ARHGAP30: variants seen among roughly 807,000 people sequenced by gnomAD.
ARHGAP30 encodes the protein Rho GTPase activating protein 30.
Under a neutral mutation model 72.0 loss-of-function variants are expected in ARHGAP30, and 23 were observed. The observed-to-expected ratio is 0.32, with a 90% CI of 0.23 to 0.45. The LOEUF is 0.45. Among genes scored for constraint, ARHGAP30 ranks in the 20% least tolerant of loss-of-function variants. The pLI is 1.00. For missense variants in ARHGAP30, 1,319 were observed against 1,383.4 expected (o/e 0.95, Z 0.74); for synonymous variants, 576 against 528.2 (o/e 1.09, Z -1.24).
At chr1:161,061,012 A>C (rs1652275208) in intron 1 of ARHGAP30, among the ~76,000 whole-genome samples, 1 of 151,690 alleles carries the variant, frequency 6.6e-6, no homozygotes, top group East Asian at 2.0e-4. Flanking sequence ...CCAAGGACTT[A>C]TCTTAAAAGT....
chr1:161,052,218 G>A (rs1651455149), intron 9 of ARHGAP30, 68 bp downstream of exon 9: 5 of 1,554,494 alleles, frequency 3.2e-6, no homozygotes, highest in Non-Finnish European at 4.4e-6. Flanking sequence ...TTGGCTGCAT[G>A]TACACACAAG....
At position 161,064,846 on chromosome 1, in the gene ARHGAP30, A is replaced by AG. The variant is rs1491271137; in HGVS notation, c.97+4681_97+4682insC. 7.9e-3 allele frequency among the ~76,000 whole-genome samples: 632 copies of AG among 79,814 alleles called. 4 individuals are homozygous for AG. Among genetic ancestry groups the AG allele is most frequent in the Middle Eastern group, 0.013 (2 of 160 alleles). 52.4% of individuals were successfully genotyped at this position (79,814 alleles called of 152,430 possible). ...AAGAAAGAAAGAGAAAGAAAGAAAG[A>AG]AAGGAAAGGAAGGAGAGGAAGGAGA... On this transcript the variant is annotated intron_variant, in intron 1 of 11. Transcript: ENST00000368013.
At position 161,052,731 on chromosome 1, in the gene ARHGAP30, A is replaced by C; in HGVS notation, c.731T>G (p.Leu244Arg). The C allele has an allele frequency of 6.2e-7, 1 of 1,612,414 alleles. No homozygotes were observed. The change falls in exon 7 of 12, where the codon CTT becomes CGT. Residue 244 changes from leucine (L) to arginine (R), a missense_variant. Leu to Arg is a moderately radical substitution (Grantham distance 102). This residue lies in a region of ARHGAP30 where 222 missense variants were observed against 338.2 expected (regional missense o/e 0.66). Coordinates refer to ENST00000368013, the MANE Select transcript of ARHGAP30 (RefSeq NM_001025598.2). ...GTGATAAGGCAGTGGCCTGGGCATA[A>C]GGTCCTCGGGGCTGCCTGATGCCCG... ...GTRASGSPED[L>R]MPRPLPYHLP... is the part of the protein sequence containing the mutation.
chr1:161,054,753 C>G (rs759551970), intron 3 of ARHGAP30, 48 bp from the exon 4 acceptor site: 2 of 1,530,292 alleles, frequency 1.3e-6, no homozygotes, highest in African/African-American at 1.4e-5. Flanking sequence ...CCAGCAATGC[C>G]CCTGCTTACT....
intron 1 of ARHGAP30, among the ~76,000 whole-genome samples, chr1:161,060,700 T>TC (rs1251677459): frequency 7.1e-6 from 1 of 141,020 alleles, no homozygotes; most frequent in Admixed American, 6.9e-5. Flanking sequence ...TCAAGGACTT[T>TC]TTTTTTTTTT....
chr1:161,066,766 A>G (rs935996631), intron 1 of ARHGAP30, among the ~76,000 whole-genome samples: 3 of 151,146 alleles, frequency 2.0e-5, no homozygotes, highest in East Asian at 1.9e-4. Context: ...TCTCAGTCCT[A>G]CAGTTCACCA....
chr1:161,056,639 G>A, intron 2 of ARHGAP30, 107 bp from the exon 3 acceptor site: 1 of 1,235,390 alleles, frequency 8.1e-7, no homozygotes, highest in South Asian at 1.5e-5. Flanking sequence ...AACATGTGTT[G>A]GACTTGGAAG....
chr1:161,052,643 G>C lies in ARHGAP30; in HGVS notation c.819C>G (p.Ile273Met). The C allele has an allele frequency of 6.2e-7, 1 of 1,613,920 alleles. No homozygotes were observed. The highest frequency in any genetic ancestry group is 1.1e-5 in the South Asian group (1 of 91,078). The change falls in exon 7 of 12, where the codon ATC (isoleucine) becomes ATG (methionine). Residue 273 changes from isoleucine to methionine, a missense_variant. Coordinates refer to ENST00000368013, the MANE Select transcript of ARHGAP30 (RefSeq NM_001025598.2). ...GGCCTTACTTGTGCTCTGCAATCTC[G>C]ATGATAGTATGGTAGGGCCGCATCT... ...PPQMRPYHTIIEIAEHKRKGS... is the reference protein window; with the variant it reads ...PPQMRPYHTIMEIAEHKRKGS...
At chr1:161,055,929 ATAAAATAAAT>A in intron 3 of ARHGAP30, among the ~76,000 whole-genome samples, 1 of 24,036 alleles carries the variant, frequency 4.2e-5, no homozygotes, top group East Asian at 7.0e-4. Context: ...ATAAAATAAA[ATAAAATAAAT>A]ATAAAATAAA....
At chr1:161,054,562 C>T in intron 4 of ARHGAP30, 61 bp downstream of exon 4, 1 of 1,602,658 alleles carries the variant, frequency 6.2e-7, no homozygotes, top group Non-Finnish European at 8.5e-7. Context: ...CCAGTTAAGG[C>T]TCCAGGCAGC....
At chr1:161,061,102 T>C (rs1042661047) in intron 1 of ARHGAP30, among the ~76,000 whole-genome samples, 2 of 152,172 alleles carry the variant, frequency 1.3e-5, no homozygotes, top group Non-Finnish European at 2.9e-5. Flanking sequence ...TGGGGATTAT[T>C]TGAAGCACAC....
chr1:161,053,468 C>CTCTCTCTCTA, intron 5 of ARHGAP30, 83 bp from the exon 6 acceptor site: 1 of 590,552 alleles, frequency 1.7e-6, no homozygotes, highest in Non-Finnish European at 2.2e-6. Flanking sequence ...CTTATTCTCT[C>CTCTCTCTCTA]TCTCTCTCTC....
rs180744126 is a variant in ARHGAP30, at chr1:161,064,323, G to C, written c.98-4607C>G. Among the ~76,000 whole-genome samples the C allele has an allele frequency of 3.0e-3, 459 of 152,288 alleles. 1 individual carries two copies. The highest frequency in any genetic ancestry group is 6.8e-3 in the Middle Eastern group (2 of 294). On this transcript the variant is annotated intron_variant, in intron 1 of 11. Transcript: ENST00000368013. ...ACATGATTATCGGGGCAGTTCCCCC[G>C]GTATGAAATGACTCAGTGAATTAAT...
At chr1:161,056,595 C>T in intron 2 of ARHGAP30, 63 bp from the exon 3 acceptor site, 2 of 1,556,416 alleles carry the variant, frequency 1.3e-6, no homozygotes, top group Non-Finnish European at 1.7e-6. Flanking sequence ...GAGGTGGGTC[C>T]CTATAGAGAT....
At chr1:161,061,313 G>C (rs530146911) in intron 1 of ARHGAP30, among the ~76,000 whole-genome samples, 1 of 151,716 alleles carries the variant, frequency 6.6e-6, no homozygotes, top group African/African-American at 2.4e-5. Flanking sequence ...TTACAGACAC[G>C]CGCCACCACG....
intron 10 of ARHGAP30, among the ~76,000 whole-genome samples, chr1:161,050,358 G>C (rs1295929482): frequency 6.7e-6 from 1 of 148,800 alleles, no homozygotes; most frequent in Non-Finnish European, 1.5e-5. Context: ...GAGTGCAGTG[G>C]CGCAATCTCA....
At chr1:161,068,898 C>A (rs1217942433) in intron 1 of ARHGAP30, among the ~76,000 whole-genome samples, 2 of 152,164 alleles carry the variant, frequency 1.3e-5, no homozygotes, top group Non-Finnish European at 2.9e-5. Context: ...TCAGCAGCTT[C>A]TCCCCTTGCC....
intron 5 of ARHGAP30, among the ~76,000 whole-genome samples, chr1:161,053,715 G>T (rs1651615144): frequency 6.6e-6 from 1 of 152,164 alleles, no homozygotes; most frequent in South Asian, 2.1e-4. Context: ...GGACCACAGT[G>T]AGTGATATGC....
chr1:161,069,644 T>C lies in ARHGAP30; in HGVS notation c.-20A>G, dbSNP rs1392580668. 3.1e-6 allele frequency: 5 copies of C among 1,605,862 alleles called. No individual in the cohort carries two copies. The highest frequency in any genetic ancestry group is 4.2e-6 in the Non-Finnish European group (5 of 1,179,188). On this transcript the variant is annotated 5_prime_UTR_variant, in exon 1 of 12. Coordinates refer to ENST00000368013, the MANE Select transcript of ARHGAP30 (RefSeq NM_001025598.2). This position sits in a 1 kb window ranked among gnomAD's most constrained non-coding sequence, Gnocchi z 4.9. The stretch of plus-strand genomic sequence containing the variant: ...CTTCATGGCCAGAGCCCCAGGGCAC[T>C]GGCCCGGTCACCTCTATCCCCCAAG...
Sources: allele counts gnomAD v4.1 joint callset (sites outside exome capture counted in the v4.1 genomes callset), GRCh38; gene constraint gnomAD v4.1.1; regional missense constraint gnomAD v4.1.1; non-coding constraint Gnocchi (gnomAD v3.1); transcripts MANE v1.5; gene names NCBI Gene and HGNC (gene_info 2026-07-23, HGNC 2026-07-21).